Variants in CLINT1 observed in about 807,000 individuals in gnomAD.
CLINT1 encodes clathrin interactor 1, also known as clathrin interacting protein localized in the trans-Golgi region.
In CLINT1, 15 loss-of-function variants were observed where a neutral mutation model predicts 70.4. That is an observed-to-expected ratio of 0.21 (90% CI 0.14 to 0.33). The LOEUF (loss-of-function observed/expected upper bound fraction) is 0.33. Among genes scored for constraint, CLINT1 ranks in the 10% least tolerant of loss-of-function variants. The pLI, the probability that CLINT1 is intolerant of heterozygous loss-of-function variation, is 1.00. For synonymous variants in CLINT1, 227 were observed against 254.7 expected, an observed-to-expected ratio of 0.89 and a Z score of 1.04; for missense variants, 615 against 778.1, an observed-to-expected ratio of 0.79 and a Z score of 2.49.
intron 1 of CLINT1, among the ~76,000 whole-genome samples, chr5:157,822,405 T>C (rs1179101089): frequency 2.6e-5 from 4 of 152,154 alleles, no homozygotes; most frequent in Admixed American, 2.0e-4. Flanking sequence ...CCCTTGCTGC[T>C]GCCATGTAAA....
At chr5:157,803,620 C>A in intron 8 of CLINT1, 30 bp downstream of exon 8, 1 of 1,399,086 alleles carries the variant, frequency 7.1e-7, no homozygotes, top group South Asian at 1.9e-5. Context: ...GACTCTCAAA[C>A]CAAAAGAAAA....
rs372199321 is a variant in CLINT1 at position 157,785,889 on chromosome 5, T to C, written c.*1757A>G. 16 of 152,360 alleles carry C rather than the reference T, an allele frequency of 1.1e-4. No individual in the cohort carries two copies. In the East Asian group the frequency reaches 3.1e-3, roughly 29 times the overall value. The allele number at this position is 152,360 out of a possible 1,614,324, so 9.4% of individuals were successfully genotyped here. On this transcript the variant is annotated 3_prime_UTR_variant, in exon 12 of 12. Transcript: ENST00000411809. ...ACTATGCGGCCACCAGAGGCTGGCT[T>C]GATTGCTCTGAAGTAACAACACTTG...
intron 1 of CLINT1, among the ~76,000 whole-genome samples, chr5:157,820,425 A>C (rs72814512): frequency 0.015 from 2,306 of 152,232 alleles, 18 homozygotes; most frequent in Non-Finnish European, 0.023. Context: ...CCCCTCCCCC[A>C]AAAAAAGCTA....
intron 1 of CLINT1, among the ~76,000 whole-genome samples, chr5:157,838,547 A>G (rs1350825102): frequency 6.6e-6 from 1 of 152,212 alleles, no homozygotes; most frequent in African/African-American, 2.4e-5. Flanking sequence ...TTTTCTACAA[A>G]TTTTGCAAAC....
rs80273685 is a variant in CLINT1, at chr5:157,853,905, T to G, written c.41+5025A>C. ...GACAGTAGTACTAAATAGATTAAAC[T>G]ACAGAAAATTACCCCTAAGAAATGC... On this transcript the variant is annotated intron_variant, in intron 1 of 11. Transcript: ENST00000411809. Among the ~76,000 whole-genome samples the G allele has an allele frequency of 3.4e-4, 51 of 151,000 alleles. 1 individual carries two copies. The East Asian group carries it at 9.8e-3, about 29-fold the overall frequency.
At chr5:157,849,384 T>C (rs550560455) in intron 1 of CLINT1, among the ~76,000 whole-genome samples, 5 of 152,252 alleles carry the variant, frequency 3.3e-5, no homozygotes, top group Non-Finnish European at 7.3e-5. Context: ...TTAAGGTATG[T>C]ACTTTTTTAA....
chr5:157,834,914 T>C (rs540190222), intron 1 of CLINT1, among the ~76,000 whole-genome samples: 2 of 152,340 alleles, frequency 1.3e-5, no homozygotes, highest in African/African-American at 4.8e-5. Context: ...ATGGACTCCA[T>C]ATACGCAAAT....
intron 1 of CLINT1, among the ~76,000 whole-genome samples, chr5:157,824,031 TG>T: frequency 6.6e-6 from 1 of 152,298 alleles, no homozygotes; most frequent in Non-Finnish European, 1.5e-5. Flanking sequence ...GTGCAAAAAT[TG>T]TCTTCCACAA....
Position 157,809,684 on chromosome 5 carries a change from A to G in CLINT1, c.639T>C (p.Asp213=), listed in dbSNP as rs766089758. 2 of 1,613,414 alleles carry G rather than the reference A, an allele frequency of 1.2e-6. No homozygotes were observed. The highest frequency in any genetic ancestry group is 3.3e-5 in the Admixed American group (2 of 59,932). Residue 213 remains aspartate, a synonymous_variant, in exon 6 of 12, where the codon GAT becomes GAC. Transcript: ENST00000411809. The part of the protein sequence containing the change: ...ELSDKIGSTI[D]DTISKFRRKD... ...TCCTCCGGAACTTGCTGATGGTGTC[A>G]TCAATTGTGCTTCCAATTTTATCAC... is the stretch of plus-strand genomic sequence containing the variant.
chr5:157,820,782 C>T (rs1404525376), intron 1 of CLINT1, among the ~76,000 whole-genome samples: 3 of 152,040 alleles, frequency 2.0e-5, no homozygotes, highest in African/African-American at 7.2e-5. Context: ...AAAAAAATGG[C>T]TAGTTTAATT....
At chr5:157,837,535 GTGT>G (rs1443531297) in intron 1 of CLINT1, among the ~76,000 whole-genome samples, 2 of 152,112 alleles carry the variant, frequency 1.3e-5, no homozygotes, top group African/African-American at 4.8e-5. Flanking sequence ...TGTCAATTAT[GTGT>G]TGTTATTTTC....
chr5:157,832,443 T>C (rs543604725), intron 1 of CLINT1, among the ~76,000 whole-genome samples: 74 of 152,348 alleles, frequency 4.9e-4, no homozygotes, highest in Admixed American at 1.5e-3. Flanking sequence ...ACTGGGATAT[T>C]TGATACCATC....
intron 4 of CLINT1, among the ~76,000 whole-genome samples, chr5:157,813,600 C>T (rs1762625471): frequency 1.3e-5 from 2 of 152,272 alleles, no homozygotes; most frequent in Middle Eastern, 3.4e-3. Flanking sequence ...AAAAGAAGAA[C>T]CACTTTAGCA....
intron 1 of CLINT1, among the ~76,000 whole-genome samples, chr5:157,835,069 G>A (rs2113280027): frequency 6.6e-6 from 1 of 152,244 alleles, no homozygotes; most frequent in African/African-American, 2.4e-5. Context: ...TTGCCTTCTT[G>A]TTTCAGTTCT....
intron 1 of CLINT1, among the ~76,000 whole-genome samples, chr5:157,856,836 GATA>G (rs1329601255): frequency 6.6e-6 from 1 of 152,182 alleles, no homozygotes; most frequent in Non-Finnish European, 1.5e-5. Flanking sequence ...TAAAAAGATA[GATA>G]ATATTTTTCA....
chr5:157,815,798 T>C (rs773232439), intron 3 of CLINT1, among the ~76,000 whole-genome samples: 5 of 152,226 alleles, frequency 3.3e-5, no homozygotes, highest in Non-Finnish European at 7.3e-5. Flanking sequence ...CTGTGCAGCA[T>C]TGTTACTGTA....
At position 157,803,644 on chromosome 5, in the gene CLINT1, G is replaced by A; in HGVS notation, c.1012+6C>T. 8 of 1,501,976 alleles carry A rather than the reference G, an allele frequency of 5.3e-6. No homozygotes were observed. Among genetic ancestry groups the A allele is most frequent in the Non-Finnish European group, 6.3e-6 (7 of 1,111,186 alleles). 93.0% of individuals were successfully genotyped at this position (1,501,976 alleles called of 1,614,324 possible). The stretch of plus-strand genomic sequence containing the variant: ...ACCAAAAGAAAAGGCCAATGTAGAA[G>A]CTTACCTGTTGACTGGCTGGTGCCA... On this transcript the variant is annotated splice_donor_region_variant and intron_variant, in intron 8 of 11. Coordinates refer to ENST00000411809, the MANE Select transcript of CLINT1 (RefSeq NM_014666.4).
At chr5:157,815,336 T>C (rs1329053525) in intron 3 of CLINT1, among the ~76,000 whole-genome samples, 1 of 152,048 alleles carries the variant, frequency 6.6e-6, no homozygotes, top group Non-Finnish European at 1.5e-5. Context: ...ACCCCCAAAC[T>C]AAATTTTGTT....
At chr5:157,797,857 G>T (rs1762110737) in intron 8 of CLINT1, among the ~76,000 whole-genome samples, 1 of 152,110 alleles carries the variant, frequency 6.6e-6, no homozygotes, top group Non-Finnish European at 1.5e-5. Flanking sequence ...GAAATTATAT[G>T]ATGTTCATAA....
Sources: allele counts gnomAD v4.1 joint callset (sites outside exome capture counted in the v4.1 genomes callset), GRCh38; gene constraint gnomAD v4.1.1; transcripts MANE v1.5; gene names NCBI Gene and HGNC (gene_info 2026-07-23, HGNC 2026-07-21).